Variants in B4GALT5 observed in about 807,000 individuals in gnomAD.
B4GALT5 encodes beta-1,4-galactosyltransferase 5.
B4GALT5 carries 11 observed loss-of-function variants against 45.0 expected under a neutral mutation model. That is an observed-to-expected ratio of 0.24 (90% CI 0.15 to 0.40). The LOEUF (loss-of-function observed/expected upper bound fraction) is 0.40, where lower values mean the gene tolerates loss of function less well. B4GALT5 is among the 10% of genes least tolerant of loss of function. The probability of loss-of-function intolerance (pLI) is 1.00; values close to 1 mark genes in which losing one functional copy is unlikely to be tolerated. For missense variants in B4GALT5, 337 were observed against 500.2 expected, an observed-to-expected ratio of 0.67 and a Z score of 3.11; for synonymous variants, 185 against 182.9, an observed-to-expected ratio of 1.01 and a Z score of -0.09.
At chr20:49,687,050 G>A (rs1003466925) in intron 1 of B4GALT5, among the ~76,000 whole-genome samples, 3 of 152,072 alleles carry the variant, frequency 2.0e-5, no homozygotes, top group Non-Finnish European at 4.4e-5. Flanking sequence ...CTCAATTAGG[G>A]GTGCTTTTGC....
intron 1 of B4GALT5, among the ~76,000 whole-genome samples, chr20:49,662,089 T>C (rs2085667499): frequency 6.6e-6 from 1 of 152,188 alleles, no homozygotes; most frequent in Non-Finnish European, 1.5e-5. Context: ...CCTTTCTTCC[T>C]CTCTGCTTCT....
intron 1 of B4GALT5, among the ~76,000 whole-genome samples, chr20:49,685,349 A>G (rs1474157663): frequency 6.6e-6 from 1 of 152,174 alleles, no homozygotes; most frequent in Non-Finnish European, 1.5e-5. Flanking sequence ...CAGGGGCTTC[A>G]AAAATTACTT....
At chr20:49,642,700 T>C in intron 4 of B4GALT5, 116 bp from the exon 5 acceptor site, 1 of 698,464 alleles carries the variant, frequency 1.4e-6, no homozygotes, top group Middle Eastern at 2.5e-4. Flanking sequence ...GCTGGCTATC[T>C]TGTCCTCAGC....
In B4GALT5 at chr20:49,633,848, G is replaced by A. The variant is rs1984439327; in HGVS notation, c.*2464C>T. 2 of 152,398 alleles carry A rather than the reference G, an allele frequency of 1.3e-5. No individual in the cohort carries two copies. Among genetic ancestry groups the A allele is most frequent in the South Asian group, 4.1e-4 (2 of 4,822 alleles). The allele number at this position is 152,398 out of a possible 1,614,324, so 9.4% of individuals were successfully genotyped here. A position where few individuals can be genotyped will look rare whatever the true frequency, so the allele number is the denominator to read the frequency against. On this transcript the variant is annotated 3_prime_UTR_variant, in exon 9 of 9. Coordinates refer to ENST00000371711, the MANE Select transcript of B4GALT5 (RefSeq NM_004776.4). The stretch of plus-strand genomic sequence containing the variant: ...AATGACATCATAGTGTTGTCACATT[G>A]AAAGCAACTCACAGCCTTCAGTGAG...
At chr20:49,662,495 T>A (rs2085669137) in intron 1 of B4GALT5, among the ~76,000 whole-genome samples, 2 of 152,142 alleles carry the variant, frequency 1.3e-5, no homozygotes, top group African/African-American at 2.4e-5. Flanking sequence ...AAAATAATAA[T>A]AATAAGTTGA....
intron 1 of B4GALT5, among the ~76,000 whole-genome samples, chr20:49,678,638 G>A (rs2085749892): frequency 6.6e-6 from 1 of 152,158 alleles, no homozygotes; most frequent in African/African-American, 2.4e-5. Context: ...TTTGGGAGTT[G>A]GACAGACATG....
intron 1 of B4GALT5, among the ~76,000 whole-genome samples, chr20:49,679,688 A>G (rs977912112): frequency 6.6e-6 from 1 of 152,040 alleles, no homozygotes; most frequent in Admixed American, 6.6e-5. Flanking sequence ...AAAAAAACAA[A>G]AACAAAAAAC....
chr20:49,692,031 C>T (rs1240322826), intron 1 of B4GALT5, among the ~76,000 whole-genome samples: 1 of 152,158 alleles, frequency 6.6e-6, no homozygotes, highest in African/African-American at 2.4e-5. Flanking sequence ...CTGGCAACAA[C>T]ACACCTTGGC....
intron 1 of B4GALT5, among the ~76,000 whole-genome samples, chr20:49,695,696 C>T (rs917459717): frequency 3.9e-5 from 6 of 152,150 alleles, no homozygotes; most frequent in South Asian, 2.1e-4. Flanking sequence ...CCACCGGGCC[C>T]GGCCAGTGTG....
chr20:49,638,819 TAA>T (rs2085564388), intron 7 of B4GALT5, among the ~76,000 whole-genome samples: 1 of 152,148 alleles, frequency 6.6e-6, no homozygotes. Flanking sequence ...TATCACACTC[TAA>T]ATAGTGGAAA....
intron 1 of B4GALT5, among the ~76,000 whole-genome samples, chr20:49,690,026 GAC>G (rs921488292): frequency 2.4e-4 from 37 of 152,084 alleles, no homozygotes; most frequent in African/African-American, 8.5e-4. Flanking sequence ...TTGTTTTTGA[GAC>G]AGTCTCCCTC....
chr20:49,649,288 C>T (rs2085611515), intron 2 of B4GALT5, among the ~76,000 whole-genome samples: 1 of 152,152 alleles, frequency 6.6e-6, no homozygotes. Context: ...TATATAAAGA[C>T]ATAAACCAGG....
intron 1 of B4GALT5, among the ~76,000 whole-genome samples, chr20:49,668,421 C>T (rs1161180873): frequency 6.6e-6 from 1 of 151,988 alleles, no homozygotes; most frequent in African/African-American, 2.4e-5. Context: ...AGCTTTGCTT[C>T]CCCCAAAATT....
In B4GALT5 at chr20:49,643,537, G is replaced by A. The variant is rs748425737; in HGVS notation, c.478C>T (p.Pro160Ser). 6.8e-6 allele frequency: 11 copies of A among 1,613,894 alleles called. No individual in the cohort carries two copies. The highest frequency in any genetic ancestry group is 9.3e-6 in the Non-Finnish European group (11 of 1,179,944). The stretch of plus-strand genomic sequence containing the variant: ...ACTTCACACCCTACCTTCCACCGAG[G>A]CATGCAATCAGAAGGCTTCCAGTGA... The part of the protein sequence containing the change: ...GGHWKPSDCM[P>S]RWKVAILIPF... The change falls in exon 4 of 9, where the codon CCT (proline) becomes TCT (serine). Residue 160 changes from proline to serine, a missense_variant. Pro to Ser is a moderately conservative substitution (Grantham distance 74). Transcript: ENST00000371711.
At chr20:49,671,178 A>G (rs546992703) in intron 1 of B4GALT5, among the ~76,000 whole-genome samples, 1 of 152,292 alleles carries the variant, frequency 6.6e-6, no homozygotes, top group Non-Finnish European at 1.5e-5. Context: ...CAGGAGTTCA[A>G]GATCAGCCTG....
intron 1 of B4GALT5, among the ~76,000 whole-genome samples, chr20:49,711,053 C>A (rs1213006252): frequency 6.8e-6 from 1 of 148,026 alleles, no homozygotes; most frequent in African/African-American, 2.5e-5. Flanking sequence ...TGCACGACAG[C>A]CTGGGCAACA....
At position 49,635,674 on chromosome 20, in the gene B4GALT5, G is replaced by A. The variant is rs1295589413; in HGVS notation, c.*638C>T. On this transcript the variant is annotated 3_prime_UTR_variant, in exon 9 of 9. Coordinates refer to ENST00000371711, the MANE Select transcript of B4GALT5 (RefSeq NM_004776.4). ...CAGCTAGAAAATTAAATTTTAAAAA[G>A]GCATTTTACATGGCTTATTTACAAT... 1.3e-5 allele frequency: 2 copies of A among 152,380 alleles called. No homozygotes were observed. The highest frequency in any genetic ancestry group is 3.9e-4 in the East Asian group (2 of 5,182). 9.4% of individuals were successfully genotyped at this position (152,380 alleles called of 1,614,324 possible). A position where few individuals can be genotyped will look rare whatever the true frequency, so the allele number is the denominator to read the frequency against.
intron 1 of B4GALT5, among the ~76,000 whole-genome samples, chr20:49,687,947 G>C (rs929350179): frequency 6.6e-6 from 1 of 151,846 alleles, no homozygotes; most frequent in Non-Finnish European, 1.5e-5. Flanking sequence ...ACTATGACTT[G>C]AAGAGACACA....
intron 1 of B4GALT5, among the ~76,000 whole-genome samples, chr20:49,665,571 A>G (rs1356616537): frequency 6.6e-6 from 1 of 151,270 alleles, no homozygotes; most frequent in Admixed American, 6.6e-5. Flanking sequence ...AATGTTACAA[A>G]CTGTAATTCA....
Sources: gnomAD v4.1 joint callset for allele counts (sites outside exome capture counted in the v4.1 genomes callset) on GRCh38, gnomAD v4.1.1 for gene constraint, MANE v1.5 for transcripts, NCBI Gene and HGNC (gene_info 2026-07-23, HGNC 2026-07-21) for gene names.